ZNF212: variants seen among roughly 807,000 people sequenced by gnomAD.
ZNF212 encodes the protein zinc finger protein 212.
In ZNF212, 32 loss-of-function variants were observed where a neutral mutation model predicts 47.3. The observed-to-expected ratio is 0.68, with a 90% confidence interval of 0.51 to 0.91. ZNF212 has a LOEUF of 0.91. Among genes scored for constraint, ZNF212 ranks in the 40% least tolerant of loss-of-function variants. The probability of loss-of-function intolerance (pLI) is 0.00; values close to 1 mark genes in which losing one functional copy is unlikely to be tolerated. For synonymous variants in ZNF212, 242 were observed against 253.8 expected, an observed-to-expected ratio of 0.95 and a Z score of 0.44; for missense variants, 555 against 622.8, an observed-to-expected ratio of 0.89 and a Z score of 1.16.
chr7:149,245,049 A>G (rs1796657201), intron 1 of ZNF212, among the ~76,000 whole-genome samples: 1 of 152,182 alleles, frequency 6.6e-6, no homozygotes, highest in South Asian at 2.1e-4. Flanking sequence ...GAAAGATATT[A>G]AAAATGGAGT....
At chr7:149,246,333 G>A (rs892732598) in intron 1 of ZNF212, among the ~76,000 whole-genome samples, 3 of 151,862 alleles carry the variant, frequency 2.0e-5, no homozygotes, top group Admixed American at 6.6e-5. Context: ...TACCAAGATA[G>A]AGAATATTTC....
At chr7:149,248,393 AGGGTTTTACT>A (rs1456939293) in intron 1 of ZNF212, among the ~76,000 whole-genome samples, 12 of 152,198 alleles carry the variant, frequency 7.9e-5, no homozygotes, top group Admixed American at 7.9e-4. Flanking sequence ...ACTGAGGATT[AGGGTTTTACT>A]GTATTATTTT....
chr7:149,242,770 A>T (rs1323789756), intron 1 of ZNF212, among the ~76,000 whole-genome samples: 1 of 152,242 alleles, frequency 6.6e-6, no homozygotes, highest in African/African-American at 2.4e-5. Flanking sequence ...ATTGATGTAA[A>T]TATGAGGAAG....
intron 3 of ZNF212, among the ~76,000 whole-genome samples, chr7:149,251,824 G>A (rs973822119): frequency 1.3e-5 from 2 of 151,154 alleles, no homozygotes; most frequent in African/African-American, 4.9e-5. Context: ...GACTATTTGA[G>A]ATGGGTGTGG....
rs74737587 is a variant in ZNF212, at chr7:149,245,418, T to G, written c.25-4741T>G. Among the ~76,000 whole-genome samples, 549 of 151,066 alleles carry G rather than the reference T, an allele frequency of 3.6e-3. 6 individuals are homozygous for G. Among genetic ancestry groups the G allele is most frequent in the African/African-American group, 0.013 (523 of 41,030 alleles). ...TTTATGAATTGAAATTCATCCTAAA[T>G]GTGTCACTTTTCTGTTGGGTGGGGT... On this transcript the variant is annotated intron_variant, in intron 1 of 4. Transcript: ENST00000335870.
intron 1 of ZNF212, among the ~76,000 whole-genome samples, chr7:149,247,778 A>AT (rs1384225879): frequency 6.6e-6 from 1 of 152,210 alleles, no homozygotes; most frequent in African/African-American, 2.4e-5. Context: ...TTGTGGCAGC[A>AT]TAAGTCCAGT....
chr7:149,253,876 G>C lies in ZNF212; in HGVS notation c.949G>C (p.Glu317Gln). 1 of 1,614,006 alleles carries C rather than the reference G, an allele frequency of 6.2e-7. No individual in the cohort carries two copies. The highest frequency in any genetic ancestry group is 1.3e-5 in the African/African-American group (1 of 75,046). ...KLKKDTSRPY[E>Q]CSECEITFRY... ...GAAAAAGGACACTTCCCGCCCCTAC[G>C]AATGTTCTGAGTGTGAGATCACCTT... The change falls in exon 5 of 5, where the codon GAA becomes CAA. Residue 317 changes from glutamate (E) to glutamine (Q), a missense_variant. Coordinates refer to ENST00000335870, the MANE Select transcript of ZNF212 (RefSeq NM_012256.4).
rs1258987857 is a variant in ZNF212 at position 149,254,949 on chromosome 7, C to T, written c.*534C>T. 1 of 152,552 alleles carries T rather than the reference C, an allele frequency of 6.6e-6. No individual in the cohort carries two copies. Among genetic ancestry groups the T allele is most frequent in the Non-Finnish European group, 1.5e-5 (1 of 68,364 alleles). The allele number at this position is 152,552 out of a possible 1,614,324, so 9.4% of individuals were successfully genotyped here. On this transcript the variant is annotated 3_prime_UTR_variant, in exon 5 of 5. Transcript: ENST00000335870. The surrounding 1 kb of genome is among the most constrained non-coding windows in gnomAD (Gnocchi z 4.5). ...TAGTTGATTTTTTAAAGAATACAGC[C>T]CAACACTTGTTTTTTACATTTTAAG... is the stretch of plus-strand genomic sequence containing the variant.
Position 149,254,147 on chromosome 7 carries a change from C to T in ZNF212, c.1220C>T (p.Ser407Leu), listed in dbSNP as rs1796801068. 1 of 1,614,180 alleles carries T rather than the reference C, an allele frequency of 6.2e-7. No individual in the cohort carries two copies. ...GGCCAGCATGTCCAAGAGAGGTTCT[C>T]ACCCAACAGCCTGGTTGCCCTGCCT... Reference protein sequence around the residue: ...SAGQHVQERFSPNSLVALPGH... With the variant: ...SAGQHVQERFLPNSLVALPGH... The change falls in exon 5 of 5, where the codon TCA (serine) becomes TTA (leucine). Residue 407 changes from serine to leucine, a missense_variant. By Grantham distance (145) the Ser-to-Leu change is moderately radical (BLOSUM62 -2). Coordinates refer to ENST00000335870, the MANE Select transcript of ZNF212 (RefSeq NM_012256.4). The surrounding 1 kb of genome is among the most constrained non-coding windows in gnomAD (Gnocchi z 4.5).
At chr7:149,241,132 A>C (rs1796581822) in intron 1 of ZNF212, among the ~76,000 whole-genome samples, 1 of 152,122 alleles carries the variant, frequency 6.6e-6, no homozygotes, top group Non-Finnish European at 1.5e-5. Flanking sequence ...GTTAGGAAGA[A>C]GCCTTAAAGG....
At position 149,252,877 on chromosome 7, in the gene ZNF212, G is replaced by A. The variant is rs1015705235; in HGVS notation, c.631+82G>A. On this transcript the variant is annotated intron_variant, in intron 4 of 4. Transcript: ENST00000335870. ...AGCTTTCCCACGGCTGAAGTGCCAG[G>A]TGCTGACTTGGTGACCTCATCTGGC... 8 of 1,415,340 alleles carry A rather than the reference G, an allele frequency of 5.7e-6. No individual in the cohort carries two copies. The Admixed American group carries it at 9.6e-5, about 17-fold the overall frequency. 87.7% of individuals were successfully genotyped at this position (1,415,340 alleles called of 1,614,324 possible). A position where few individuals can be genotyped will look rare whatever the true frequency, so the allele number is the denominator to read the frequency against.
chr7:149,239,936 G>T, intron 1 of ZNF212, 134 bp downstream of exon 1: 1 of 1,057,386 alleles, frequency 9.5e-7, no homozygotes, highest in Non-Finnish European at 1.2e-6. Context: ...GGGTGAACGC[G>T]GACCCTCCTC....
At chr7:149,249,607 C>CCAAAATT (rs2129524319) in intron 1 of ZNF212, among the ~76,000 whole-genome samples, 1 of 152,196 alleles carries the variant, frequency 6.6e-6, no homozygotes, top group South Asian at 2.1e-4. Flanking sequence ...TAGAAATACA[C>CCAAAATT]CAAAATTCAA....
At chr7:149,242,151 A>G (rs1796602217) in intron 1 of ZNF212, among the ~76,000 whole-genome samples, 1 of 150,462 alleles carries the variant, frequency 6.6e-6, no homozygotes, top group Non-Finnish European at 1.5e-5. Flanking sequence ...CCTCCGGAGT[A>G]GCTGGGATTA....
Position 149,250,243 on chromosome 7 carries a change from A to G in ZNF212, c.109A>G (p.Thr37Ala), listed in dbSNP as rs1030497906. 6.2e-7 allele frequency: 1 copy of G among 1,605,802 alleles called. No homozygotes were observed. Among genetic ancestry groups the G allele is most frequent in the Non-Finnish European group, 8.5e-7 (1 of 1,175,680 alleles). ...AGAGAAAAGCTCCTATTTTCAGACC[A>G]CCGAGATTTCACTCTGGACGGTGGT... ...ATEKSSYFQT[T>A]EISLWTVVAA... The change falls in exon 2 of 5, where the codon ACC becomes GCC. Residue 37 changes from threonine (T) to alanine (A), a missense_variant. Coordinates refer to ENST00000335870, the MANE Select transcript of ZNF212 (RefSeq NM_012256.4).
chr7:149,250,692 A>T lies in ZNF212; in HGVS notation c.426A>T (p.Ser142=). The T allele has an allele frequency of 6.2e-7, 1 of 1,614,242 alleles. No individual in the cohort carries two copies. Among genetic ancestry groups the T allele is most frequent in the Non-Finnish European group, 8.5e-7 (1 of 1,180,034 alleles). The part of the protein sequence containing the change: ...SKGEAPKVSR[S]LENDGVCFTE... ...ATTGGTGATTCCAGGTGTCCAGGTC[A>T]CTGGAGAATGATGGCGTCTGTTTCA... Residue 142 remains serine, a synonymous_variant, in exon 3 of 5, where the codon TCA becomes TCT. Coordinates refer to ENST00000335870, the MANE Select transcript of ZNF212 (RefSeq NM_012256.4).
At position 149,254,948 on chromosome 7, in the gene ZNF212, C is replaced by G. The variant is rs1429763380; in HGVS notation, c.*533C>G. 1 of 152,666 alleles carries G rather than the reference C, an allele frequency of 6.6e-6. No individual in the cohort carries two copies. The highest frequency in any genetic ancestry group is 1.5e-5 in the Non-Finnish European group (1 of 68,398). The allele number at this position is 152,666 out of a possible 1,614,324, so 9.5% of individuals were successfully genotyped here. Reference sequence around the variant, plus strand: ...TTAGTTGATTTTTTAAAGAATACAGCCCAACACTTGTTTTTTACATTTTAA... The same window carrying G: ...TTAGTTGATTTTTTAAAGAATACAGGCCAACACTTGTTTTTTACATTTTAA... On this transcript the variant is annotated 3_prime_UTR_variant, in exon 5 of 5. Coordinates refer to ENST00000335870, the MANE Select transcript of ZNF212 (RefSeq NM_012256.4). The surrounding 1 kb of genome is among the most constrained non-coding windows in gnomAD (Gnocchi z 4.5).
rs764496644 is a variant in ZNF212, at chr7:149,250,370, G to T, written c.236G>T (p.Cys79Phe). Residue 79 changes from cysteine (C) to phenylalanine (F), a missense_variant, in exon 2 of 5, where the codon TGC becomes TTC. Physicochemically the swap from Cys to Phe is radical, Grantham distance 205. Transcript: ENST00000335870. ...TGTAEKKLAD[C>F]EKMAVEFGNQ... ...ACAGCCGAGAAGAAGCTGGCTGACTGCGAGAAGATGGCCGTGGAGTTCGGG... is the reference window on the plus strand; with the variant it reads ...ACAGCCGAGAAGAAGCTGGCTGACTTCGAGAAGATGGCCGTGGAGTTCGGG... The T allele has an allele frequency of 2.5e-6, 4 of 1,614,226 alleles. No individual in the cohort carries two copies. The highest frequency in any genetic ancestry group is 1.7e-5 in the Admixed American group (1 of 60,028).
At position 149,239,769 on chromosome 7, in the gene ZNF212, G is replaced by A; in HGVS notation, c.-10G>A. On this transcript the variant is annotated 5_prime_UTR_variant, in exon 1 of 5. Transcript: ENST00000335870. ...AGGCGGGGTCTGGGTGTTGAGGGGCGACTGGAGCCATGGCGGAGTCGGCGC... is the reference window on the plus strand; with the variant it reads ...AGGCGGGGTCTGGGTGTTGAGGGGCAACTGGAGCCATGGCGGAGTCGGCGC... The A allele has an allele frequency of 3.9e-6, 5 of 1,276,652 alleles. No individual in the cohort carries two copies. Among genetic ancestry groups the A allele is most frequent in the Non-Finnish European group, 5.0e-6 (5 of 1,004,138 alleles). The allele number at this position is 1,276,652 out of a possible 1,614,324, so 79.1% of individuals were successfully genotyped here. A position where few individuals can be genotyped will look rare whatever the true frequency, so the allele number is the denominator to read the frequency against.
Sources: allele counts gnomAD v4.1 joint callset (sites outside exome capture counted in the v4.1 genomes callset), GRCh38; gene constraint gnomAD v4.1.1; non-coding constraint Gnocchi (gnomAD v3.1); transcripts MANE v1.5; gene names NCBI Gene and HGNC (gene_info 2026-07-23, HGNC 2026-07-21).